PDE1C: variants seen among roughly 807,000 people sequenced by gnomAD.
The protein encoded by PDE1C is dual specificity calcium/calmodulin-dependent 3',5'-cyclic nucleotide phosphodiesterase 1C.
In PDE1C, 62 loss-of-function variants were observed where a neutral mutation model predicts 93.1. That is an observed-to-expected ratio of 0.67 (90% CI 0.54 to 0.82). The LOEUF is 0.82. PDE1C is among the 40% of genes least tolerant of loss of function. The probability of loss-of-function intolerance (pLI) is 0.00; values close to 1 mark genes in which losing one functional copy is unlikely to be tolerated. For synonymous variants in PDE1C, 325 were observed against 310.1 expected (o/e 1.05, Z -0.50); for missense variants, 742 against 884.6 (o/e 0.84, Z 2.04).
At chr7:31,658,437 A>C in the PDE1C span, 5 of 1,419,514 alleles carry the variant, frequency 3.5e-6, no homozygotes, top group Non-Finnish European at 4.6e-6. Context: ...AGAGTATAAC[A>C]CATGTCGAAC....
At position 32,387,589 on chromosome 7, in the gene PDE1C, G is replaced by A. The variant is rs1215006513; in HGVS notation, c.310+40233C>T. Reference sequence around the variant, plus strand: ...CCAGTAGGGGCGGCCGGGCAGAGGCGCCCCTCACCTCCCGGATGGGGCGGC... The same window carrying A: ...CCAGTAGGGGCGGCCGGGCAGAGGCACCCCTCACCTCCCGGATGGGGCGGC... On this transcript the variant is annotated intron_variant, in intron 1 of 1. Coordinates refer to the PDE1C transcript ENST00000672256. Among the ~76,000 whole-genome samples the A allele has an allele frequency of 8.3e-5, 11 of 131,782 alleles. No homozygotes were observed. In the East Asian group the frequency reaches 2.4e-3, roughly 29 times the overall value. The allele number at this position is 131,782 out of a possible 152,430, so 86.5% of individuals were successfully genotyped here. A position where few individuals can be genotyped will look rare whatever the true frequency, so the allele number is the denominator to read the frequency against.
the PDE1C span, among the ~76,000 whole-genome samples, chr7:31,739,200 GAC>G: frequency 0.12 from 17,001 of 143,058 alleles, 1,430 homozygotes; most frequent in African/African-American, 0.24. Flanking sequence ...GTAACTTTTA[GAC>G]ACACACACAC....
At chr7:32,333,257 T>C (rs908604273) in intron 1 of PDE1C, among the ~76,000 whole-genome samples, 6 of 152,228 alleles carry the variant, frequency 3.9e-5, no homozygotes, top group African/African-American at 1.4e-4. Context: ...TTCCAAGTTT[T>C]TGGCCATGAT....
intron 2 of PDE1C, among the ~76,000 whole-genome samples, chr7:31,961,209 C>T (rs1389922412): frequency 6.6e-6 from 1 of 151,254 alleles, no homozygotes; most frequent in African/African-American, 2.4e-5. Context: ...CAAAATGTAT[C>T]TACTATTAAA....
intron 1 of PDE1C, among the ~76,000 whole-genome samples, chr7:32,420,116 TATATATATACACACACACACACACACAC>T (rs1434083136): frequency 2.0e-4 from 6 of 29,588 alleles, no homozygotes; most frequent in Admixed American, 5.8e-4. Context: ...TATATATATA[TATATATATACACACACACACACACACAC>T]ACACACACAC....
intron 12 of PDE1C, among the ~76,000 whole-genome samples, chr7:31,827,410 G>C (rs1214154257): frequency 6.6e-6 from 1 of 151,966 alleles, no homozygotes; most frequent in East Asian, 1.9e-4. Flanking sequence ...ATCGTACTAG[G>C]TACAAAAGTC....
Position 32,067,109 on chromosome 7 carries a change from G to C in PDE1C, c.101+3184C>G, listed in dbSNP as rs116185614. 4.1e-3 allele frequency among the ~76,000 whole-genome samples: 621 copies of C among 152,080 alleles called. 6 individuals carry two copies. The highest frequency in any genetic ancestry group is 0.014 in the African/African-American group (591 of 41,436). On this transcript the variant is annotated intron_variant, in intron 1 of 17. Transcript: ENST00000396191. ...ATCATAACAGACACCTGGGCTTGCAGGTGTCTATAATCCCAGCTAAGATAG... is the reference window on the plus strand; with the variant it reads ...ATCATAACAGACACCTGGGCTTGCACGTGTCTATAATCCCAGCTAAGATAG...
intron 17 of PDE1C, among the ~76,000 whole-genome samples, chr7:31,764,218 T>G (rs1795003572): frequency 6.6e-6 from 1 of 152,158 alleles, no homozygotes; most frequent in Admixed American, 6.5e-5. Context: ...TGGCACAATC[T>G]CGGCTCACTG....
intron 1 of PDE1C, among the ~76,000 whole-genome samples, chr7:32,331,833 T>C (rs113814640): frequency 0.016 from 2,382 of 152,304 alleles, 55 homozygotes; most frequent in African/African-American, 0.054. Context: ...ATAGATTCTA[T>C]GACTATGAGG....
intron 1 of PDE1C, among the ~76,000 whole-genome samples, chr7:32,349,495 A>C (rs1783917864): frequency 6.6e-6 from 1 of 152,226 alleles, no homozygotes; most frequent in Non-Finnish European, 1.5e-5. Flanking sequence ...GTGTGGGCTA[A>C]AGTTAACTTT....
the PDE1C span, among the ~76,000 whole-genome samples, chr7:31,639,041 T>A: frequency 6.6e-6 from 1 of 152,166 alleles, no homozygotes; most frequent in African/African-American, 2.4e-5. Flanking sequence ...CCTCCCAAAG[T>A]GCTGGGATTA....
chr7:31,934,695 G>A (rs150026232), intron 2 of PDE1C, among the ~76,000 whole-genome samples: 17 of 152,054 alleles, frequency 1.1e-4, no homozygotes, highest in Non-Finnish European at 2.1e-4. Flanking sequence ...TTTGTGGTAC[G>A]TTTGAGGAAG....
intron 2 of PDE1C, among the ~76,000 whole-genome samples, chr7:31,927,603 A>T (rs1409141978): frequency 6.6e-6 from 1 of 152,230 alleles, no homozygotes; most frequent in Non-Finnish European, 1.5e-5. Context: ...AGGAAGAAGC[A>T]GGCAGCAATC....
intron 7 of PDE1C, among the ~76,000 whole-genome samples, chr7:31,861,928 C>T (rs1794740127): frequency 6.6e-6 from 1 of 152,186 alleles, no homozygotes; most frequent in South Asian, 2.1e-4. Context: ...CAGACCTGAT[C>T]TAGCTCCTGC....
chr7:31,932,535 G>A (rs1310195413), intron 2 of PDE1C, among the ~76,000 whole-genome samples: 6 of 152,196 alleles, frequency 3.9e-5, no homozygotes, highest in African/African-American at 1.4e-4. Flanking sequence ...ATACCAGTTA[G>A]AATGGTGATC....
At chr7:31,755,801 G>A (rs1794427201) in intron 17 of PDE1C, among the ~76,000 whole-genome samples, 2 of 152,134 alleles carry the variant, frequency 1.3e-5, no homozygotes, top group African/African-American at 4.8e-5. Flanking sequence ...ATATACATAT[G>A]CCTCCCTTAA....
chr7:31,844,389 T>C (rs1792287164), intron 9 of PDE1C, among the ~76,000 whole-genome samples: 2 of 151,804 alleles, frequency 1.3e-5, no homozygotes, highest in Admixed American at 1.3e-4. Flanking sequence ...AATAATTTTA[T>C]TTCATCTTCA....
intron 1 of PDE1C, among the ~76,000 whole-genome samples, chr7:32,317,615 T>C: frequency 6.6e-6 from 1 of 152,190 alleles, no homozygotes; most frequent in Admixed American, 6.5e-5. Flanking sequence ...TAGTGTCATT[T>C]TCATCATAAC....
chr7:31,823,897 A>G (rs768817088), intron 13 of PDE1C, among the ~76,000 whole-genome samples: 2 of 152,166 alleles, frequency 1.3e-5, no homozygotes, highest in Non-Finnish European at 2.9e-5. Flanking sequence ...TGGTTAAAGA[A>G]GTGACTGGTA....
Sources: gnomAD v4.1 joint callset for allele counts (sites outside exome capture counted in the v4.1 genomes callset) on GRCh38, gnomAD v4.1.1 for gene constraint, MANE v1.5 for transcripts, NCBI Gene and HGNC (gene_info 2026-07-23, HGNC 2026-07-21) for gene names.